NAXD: variants seen among roughly 807,000 people sequenced by gnomAD.
The protein encoded by NAXD is NAD(P)HX dehydratase, also known as ATP-dependent (S)-NAD(P)H-hydrate dehydratase.
A neutral mutation model predicts 35.8 loss-of-function variants in NAXD; 22 were observed. That is an observed-to-expected ratio of 0.62 (90% CI 0.44 to 0.88). NAXD has a LOEUF of 0.88. Among genes scored for constraint, NAXD ranks in the 40% least tolerant of loss-of-function variants. The pLI, the probability that NAXD is intolerant of heterozygous loss-of-function variation, is 0.00. For missense variants in NAXD, 428 were observed against 437.7 expected, an observed-to-expected ratio of 0.98 and a Z score of 0.20; for synonymous variants, 189 against 177.6, an observed-to-expected ratio of 1.06 and a Z score of -0.51.
chr13:110,629,820 G>A (rs1365706320), intron 5 of NAXD, among the ~76,000 whole-genome samples: 1 of 152,158 alleles, frequency 6.6e-6, no homozygotes, highest in Non-Finnish European at 1.5e-5. Flanking sequence ...CATAGCGGCT[G>A]CACTATTTTC....
intron 2 of NAXD, 95 bp downstream of exon 2, chr13:110,622,461 T>A: frequency 7.8e-7 from 1 of 1,284,224 alleles, no homozygotes; most frequent in Non-Finnish European, 1.1e-6. Context: ...TTGACCTCAG[T>A]AATCATTTCC....
chr13:110,625,243 G>C lies in NAXD; in HGVS notation c.297G>C (p.Lys99Asn). 2 of 1,613,904 alleles carry C rather than the reference G, an allele frequency of 1.2e-6. No individual in the cohort carries two copies. Among genetic ancestry groups the C allele is most frequent in the Non-Finnish European group, 8.5e-7 (1 of 1,179,892 alleles). Residue 99 changes from lysine (K) to asparagine (N), a missense_variant, in exon 4 of 10, where the codon AAG (lysine) becomes AAC (asparagine). This residue lies in a region of NAXD where 208 missense variants were observed against 193.0 expected (regional missense o/e 1.08). Transcript: ENST00000680254. ...CCAGTGCGGCCGCACCTGTGATTAA[G>C]GCCTACAGCCCGGAGCTGATCGTCC... ...FCASAAAPVI[K>N]AYSPELIVHP...
intron 8 of NAXD, among the ~76,000 whole-genome samples, chr13:110,635,922 C>T (rs764305465): frequency 9.2e-5 from 14 of 152,240 alleles, no homozygotes; most frequent in Admixed American, 2.6e-4. Flanking sequence ...TCTCCAGCTG[C>T]CACCTTCATC....
chr13:110,623,168 A>T lies in NAXD; in HGVS notation c.197+802A>T, dbSNP rs1886330607. ...TCTTATTAGTGAGGCTTGTTTTCACATGATGGAAGAGTGTGTGCATGTATG... is the reference window on the plus strand; with the variant it reads ...TCTTATTAGTGAGGCTTGTTTTCACTTGATGGAAGAGTGTGTGCATGTATG... On this transcript the variant is annotated intron_variant, in intron 2 of 9. Transcript: ENST00000680254. 2.0e-5 allele frequency among the ~76,000 whole-genome samples: 3 copies of T among 152,162 alleles called. 1 individual carries two copies. Among genetic ancestry groups the T allele is most frequent in the Non-Finnish European group, 4.4e-5 (3 of 68,040 alleles).
At chr13:110,627,322 T>G in intron 4 of NAXD, 117 bp from the exon 5 acceptor site, 1 of 688,842 alleles carries the variant, frequency 1.5e-6, no homozygotes. Flanking sequence ...ACAGAAATTA[T>G]TTAAAAGTCA....
chr13:110,638,181 G>A lies in NAXD; in HGVS notation c.840-197G>A, dbSNP rs1459427017. 6.8e-7 allele frequency: 1 copy of A among 1,474,142 alleles called. No individual in the cohort carries two copies. Among genetic ancestry groups the A allele is most frequent in the Non-Finnish European group, 9.1e-7 (1 of 1,093,372 alleles). 91.3% of individuals were successfully genotyped at this position (1,474,142 alleles called of 1,614,324 possible). ...CATAGACGTTTCCTGTGTGCCTCCT[G>A]CCAGGGAGTAGTGGAGGGTTAATGG... On this transcript the variant is annotated intron_variant, in intron 9 of 9. Transcript: ENST00000680254. This position sits in a 1 kb window ranked among gnomAD's most constrained non-coding sequence, Gnocchi z 5.4.
At chr13:110,629,694 C>T (rs542358536) in intron 5 of NAXD, among the ~76,000 whole-genome samples, 18 of 152,172 alleles carry the variant, frequency 1.2e-4, no homozygotes, top group Admixed American at 4.6e-4. Context: ...CATACACCAC[C>T]TTTGGTTTAT....
chr13:110,638,546 G>A lies in NAXD; in HGVS notation c.*18G>A. 1 of 1,611,136 alleles carries A rather than the reference G, an allele frequency of 6.2e-7. No individual in the cohort carries two copies. Among genetic ancestry groups the A allele is most frequent in the Non-Finnish European group, 8.5e-7 (1 of 1,178,724 alleles). ...AAACCTGAGCCCGCGCAGACCAGAA[G>A]TAAACAGGCACCTTGGACGGGGGAG... On this transcript the variant is annotated 3_prime_UTR_variant, in exon 10 of 10. Transcript: ENST00000680254. The surrounding 1 kb of genome is among the most constrained non-coding windows in gnomAD (Gnocchi z 5.4).
chr13:110,634,666 G>A lies in NAXD; in HGVS notation c.493-6G>A, dbSNP rs570822545. On this transcript the variant is annotated splice_region_variant and splice_polypyrimidine_tract_variant and intron_variant, in intron 6 of 9. Coordinates refer to ENST00000680254, the MANE Select transcript of NAXD (RefSeq NM_001242882.2). ...TGCAGTGAGCACGGCTCCTTGTTCT[G>A]TGCAGGATGGCCTGTGGCTGGTCGC... 1.2e-6 allele frequency: 2 copies of A among 1,614,140 alleles called. No individual in the cohort carries two copies. Among genetic ancestry groups the A allele is most frequent in the Non-Finnish European group, 1.7e-6 (2 of 1,179,984 alleles).
intron 1 of NAXD, 73 bp downstream of exon 1, chr13:110,615,720 G>A (rs1299692090): frequency 2.1e-5 from 32 of 1,514,544 alleles, no homozygotes; most frequent in Non-Finnish European, 2.5e-5. Context: ...CGGCGCGGTC[G>A]TTGTCGCATT....
intron 5 of NAXD, 24 bp from the exon 6 acceptor site, chr13:110,634,521 C>G (rs1200593659): frequency 4.3e-6 from 7 of 1,613,270 alleles, no homozygotes; most frequent in Non-Finnish European, 5.9e-6. Flanking sequence ...GCATGGTGCT[C>G]AGTCTGGTTT....
intron 4 of NAXD, 35 bp downstream of exon 4, chr13:110,625,313 C>G (rs533749309): frequency 1.4e-6 from 2 of 1,416,034 alleles, no homozygotes; most frequent in East Asian, 2.3e-5. Flanking sequence ...CGTAGGTTCT[C>G]TTTCCCTCCT....
chr13:110,638,662 C>A lies in NAXD; in HGVS notation c.*134C>A. 9.6e-7 allele frequency: 1 copy of A among 1,037,570 alleles called. No individual in the cohort carries two copies. Among genetic ancestry groups the A allele is most frequent in the South Asian group, 1.3e-5 (1 of 75,936 alleles). 64.3% of individuals were successfully genotyped at this position (1,037,570 alleles called of 1,614,324 possible). ...TTTCAACTTGAGCATAAATTGGTTG[C>A]CATTGAGAATTTAAGAATCTGGAAT... is the stretch of plus-strand genomic sequence containing the variant. On this transcript the variant is annotated 3_prime_UTR_variant, in exon 10 of 10. Coordinates refer to ENST00000680254, the MANE Select transcript of NAXD (RefSeq NM_001242882.2). This position sits in a 1 kb window ranked among gnomAD's most constrained non-coding sequence, Gnocchi z 5.4.
intron 2 of NAXD, among the ~76,000 whole-genome samples, chr13:110,623,247 A>G (rs1365569569): frequency 2.0e-5 from 3 of 152,192 alleles, no homozygotes; most frequent in Non-Finnish European, 4.4e-5. Context: ...ACCGCTTTGC[A>G]GGAGAAGGCC....
rs760647801 is a variant in NAXD at position 110,627,575 on chromosome 13, C to T, written c.441+28C>T. 12 of 1,491,112 alleles carry T rather than the reference C, an allele frequency of 8.0e-6. No homozygotes were observed. The African/African-American group carries it at 8.3e-5, about 10-fold the overall frequency. The allele number at this position is 1,491,112 out of a possible 1,614,324, so 92.4% of individuals were successfully genotyped here. A position where few individuals can be genotyped will look rare whatever the true frequency, so the allele number is the denominator to read the frequency against. ...AATGTGTATACTCACTCACTTCCCT[C>T]ATGACAGGCTTAGCCTTAGGCGTGA... On this transcript the variant is annotated intron_variant, in intron 5 of 9. Coordinates refer to ENST00000680254, the MANE Select transcript of NAXD (RefSeq NM_001242882.2).
chr13:110,631,248 C>G (rs1886685367), intron 5 of NAXD, among the ~76,000 whole-genome samples: 1 of 152,170 alleles, frequency 6.6e-6, no homozygotes, highest in Admixed American at 6.6e-5. Context: ...TATGTGGATA[C>G]TCATTATTTT....
intron 1 of NAXD, among the ~76,000 whole-genome samples, chr13:110,616,828 C>G (rs1886076675): frequency 1.3e-5 from 2 of 152,096 alleles, no homozygotes; most frequent in African/African-American, 2.4e-5. Context: ...TTAAACGCAC[C>G]ATTTGTTGCT....
chr13:110,624,217 A>G lies in NAXD; in HGVS notation c.198-17A>G, dbSNP rs748978561. The stretch of plus-strand genomic sequence containing the variant: ...CTTATTCTCAGAAGTTTTTGACTCT[A>G]AATACCTTCTTTTTAGGTACACTGG... On this transcript the variant is annotated splice_polypyrimidine_tract_variant and intron_variant, in intron 2 of 9. Transcript: ENST00000680254. 1 of 1,580,102 alleles carries G rather than the reference A, an allele frequency of 6.3e-7. No individual in the cohort carries two copies. The highest frequency in any genetic ancestry group is 1.1e-5 in the South Asian group (1 of 89,144).
intron 5 of NAXD, among the ~76,000 whole-genome samples, chr13:110,633,247 T>TAC (rs1316387376): frequency 6.6e-6 from 1 of 152,124 alleles, no homozygotes; most frequent in Non-Finnish European, 1.5e-5. Context: ...CAGGACCCAG[T>TAC]ACACCCTCTG....
Sources: gnomAD v4.1 joint callset for allele counts (sites outside exome capture counted in the v4.1 genomes callset) on GRCh38, gnomAD v4.1.1 for gene constraint, gnomAD v4.1.1 regional missense constraint, Gnocchi (gnomAD v3.1) non-coding constraint, MANE v1.5 for transcripts, NCBI Gene and HGNC (gene_info 2026-07-23, HGNC 2026-07-21) for gene names.